Variants in SERINC2 observed in about 807,000 individuals in gnomAD.
The protein encoded by SERINC2 is serine incorporator 2.
A neutral mutation model predicts 54.2 loss-of-function variants in SERINC2; 56 were observed. The observed-to-expected ratio is 1.03, with a 90% CI of 0.83 to 1.29. The LOEUF (loss-of-function observed/expected upper bound fraction) is 1.29, where lower values mean the gene tolerates loss of function less well. Ranked by LOEUF, SERINC2 falls within the 50% of genes most tolerant of loss-of-function variation. The probability of loss-of-function intolerance (pLI) is 0.00; values close to 1 mark genes in which losing one functional copy is unlikely to be tolerated. For synonymous variants in SERINC2, 272 were observed against 253.1 expected, an observed-to-expected ratio of 1.07 and a Z score of -0.71; for missense variants, 614 against 607.4, an observed-to-expected ratio of 1.01 and a Z score of -0.12.
At chr1:31,415,406 C>T (rs782494214) in intron 1 of SERINC2, among the ~76,000 whole-genome samples, 6 of 152,224 alleles carry the variant, frequency 3.9e-5, no homozygotes, top group East Asian at 1.9e-4. Context: ...CCGAGCCCCT[C>T]ACCATGCCAT....
At position 31,429,397 on chromosome 1, in the gene SERINC2, A is replaced by T. The variant is rs782568840; in HGVS notation, c.872A>T (p.Glu291Val). Reference sequence around the variant, plus strand: ...AGGGTGATTGTGCTCCCATCTCCAGAACAGAAATGCAACCCCCATTTGCCA... The same window carrying T: ...AGGGTGATTGTGCTCCCATCTCCAGTACAGAAATGCAACCCCCATTTGCCA... ...VTWSALSSIPEQKCNPHLPTQ... is the reference protein window; with the variant it reads ...VTWSALSSIPVQKCNPHLPTQ... The change falls in exon 8 of 10, where the codon GAA becomes GTA. Residue 291 changes from glutamate (E) to valine (V), a missense_variant and splice_region_variant. Coordinates refer to ENST00000373709, the MANE Select transcript of SERINC2 (RefSeq NM_178865.5). The T allele has an allele frequency of 1.2e-6, 2 of 1,610,362 alleles. No homozygotes were observed. The highest frequency in any genetic ancestry group is 2.2e-5 in the South Asian group (2 of 90,364).
At chr1:31,434,041 A>T in intron 9 of SERINC2, 23 bp from the exon 10 acceptor site, 3 of 1,611,706 alleles carry the variant, frequency 1.9e-6, no homozygotes, top group Non-Finnish European at 2.5e-6. Context: ...CACCAGGCTC[A>T]TGGGGAAGAT....
At position 31,434,384 on chromosome 1, in the gene SERINC2, G is replaced by T; in HGVS notation, c.*185G>T. 1.6e-6 allele frequency: 1 copy of T among 610,330 alleles called. No individual in the cohort carries two copies. The highest frequency in any genetic ancestry group is 2.9e-6 in the Non-Finnish European group (1 of 349,970). 37.8% of individuals were successfully genotyped at this position (610,330 alleles called of 1,614,324 possible). ...TGCCTTCAGGGTCCGAGGAGCATCA[G>T]GCTCCTGCAGAGCCCCATCCCCCCG... is the stretch of plus-strand genomic sequence containing the variant. On this transcript the variant is annotated 3_prime_UTR_variant, in exon 10 of 10. Transcript: ENST00000373709.
intron 6 of SERINC2, 76 bp downstream of exon 6, chr1:31,426,899 TGGGGCTAGGGCTGTCATC>T: frequency 7.2e-7 from 1 of 1,390,606 alleles, no homozygotes; most frequent in Non-Finnish European, 1.0e-6. Flanking sequence ...ACCTGGGTCC[TGGGGCTAGGGCTGTCATC>T]ACAGAGGCAC....
At chr1:31,410,182 A>G, upstream of SERINC2, 7 of 1,436,814 alleles carry the variant, frequency 4.9e-6, no homozygotes, top group Admixed American at 2.9e-5. Flanking sequence ...CCAGTATCAC[A>G]TAGCTGCTGA....
chr1:31,429,166 C>G (rs1641126699), intron 7 of SERINC2, 98 bp downstream of exon 7: 1 of 1,139,678 alleles, frequency 8.8e-7, no homozygotes, highest in Admixed American at 1.8e-5. Context: ...CAGGGACATC[C>G]CTGCTCCAGC....
intron 8 of SERINC2, among the ~76,000 whole-genome samples, chr1:31,432,007 G>A (rs868978091): frequency 7.7e-5 from 11 of 143,380 alleles, no homozygotes; most frequent in African/African-American, 1.6e-4. Flanking sequence ...GGTGGATAGG[G>A]TGGATAGGGT....
Position 31,425,722 on chromosome 1 carries a change from C to T in SERINC2, c.473-54C>T, listed in dbSNP as rs570052467. 164 of 1,587,694 alleles carry T rather than the reference C, an allele frequency of 1.0e-4. 1 individual carries two copies. In the Middle Eastern group the frequency reaches 3.4e-3, roughly 33 times the overall value. On this transcript the variant is annotated intron_variant, in intron 4 of 9. Coordinates refer to ENST00000373709, the MANE Select transcript of SERINC2 (RefSeq NM_178865.5). ...GGTGTAGCAGAAAACGCTTGTTGAACGAGTAGATGTGAGAGAGGGACCCTC... is the reference window on the plus strand; with the variant it reads ...GGTGTAGCAGAAAACGCTTGTTGAATGAGTAGATGTGAGAGAGGGACCCTC...
At chr1:31,422,691 G>C (rs1302589532) in intron 1 of SERINC2, among the ~76,000 whole-genome samples, 1 of 152,210 alleles carries the variant, frequency 6.6e-6, no homozygotes, top group African/African-American at 2.4e-5. Context: ...TGGGTGAGGA[G>C]TAGGGGCTGT....
At chr1:31,418,970 A>C (rs1286415090) in intron 1 of SERINC2, among the ~76,000 whole-genome samples, 1 of 152,182 alleles carries the variant, frequency 6.6e-6, no homozygotes, top group Non-Finnish European at 1.5e-5. Flanking sequence ...GGATTGGTTG[A>C]ATGCCAAGGA....
chr1:31,413,183 G>GCACCC (rs1640685686), upstream of SERINC2: 1 of 1,019,928 alleles, frequency 9.8e-7, no homozygotes, highest in African/African-American at 1.8e-5. This position sits in a 1 kb window ranked among gnomAD's most constrained non-coding sequence, Gnocchi z 5.0. Flanking sequence ...GCCGGGGCCG[G>GCACCC]GGAGGGGCCA....
At position 31,428,964 on chromosome 1, in the gene SERINC2, G is replaced by A. The variant is rs1553133992; in HGVS notation, c.781-14G>A. 1.9e-6 allele frequency: 3 copies of A among 1,611,400 alleles called. No individual in the cohort carries two copies. The highest frequency in any genetic ancestry group is 1.7e-5 in the Admixed American group (1 of 59,996). On this transcript the variant is annotated splice_polypyrimidine_tract_variant and intron_variant, in intron 6 of 9. Coordinates refer to ENST00000373709, the MANE Select transcript of SERINC2 (RefSeq NM_178865.5). ...CTGGTCTGGCAGGGGTCTTACCAGGGGTCCTCTTGCCAGGACGCCCAGCCC... is the reference window on the plus strand; with the variant it reads ...CTGGTCTGGCAGGGGTCTTACCAGGAGTCCTCTTGCCAGGACGCCCAGCCC...
At chr1:31,420,532 G>GTTGTTTGTTTGT (rs55683816) in intron 1 of SERINC2, among the ~76,000 whole-genome samples, 17 of 151,810 alleles carry the variant, frequency 1.1e-4, no homozygotes, top group African/African-American at 3.9e-4. Flanking sequence ...TGGGTTTTTT[G>GTTGTTTGTTTGT]TTGTTTGTTT....
chr1:31,410,937 G>A (rs1437317989), upstream of SERINC2, among the ~76,000 whole-genome samples: 2 of 152,204 alleles, frequency 1.3e-5, no homozygotes, highest in South Asian at 4.1e-4. Context: ...AGACTGCTTG[G>A]TGGCATTTCA....
In SERINC2 at chr1:31,434,308, C is replaced by A. The variant is rs1553135394; in HGVS notation, c.*109C>A. On this transcript the variant is annotated 3_prime_UTR_variant, in exon 10 of 10. Transcript: ENST00000373709. Reference sequence around the variant, plus strand: ...ACCAATCAGCCAGGCTGAGCCCCCACCCCTGCCCCAGCTCCAGGACCTGCC... The same window carrying A: ...ACCAATCAGCCAGGCTGAGCCCCCAACCCTGCCCCAGCTCCAGGACCTGCC... 4.2e-6 allele frequency: 5 copies of A among 1,194,152 alleles called. No homozygotes were observed. Among genetic ancestry groups the A allele is most frequent in the Non-Finnish European group, 5.9e-6 (5 of 843,034 alleles). 74.0% of individuals were successfully genotyped at this position (1,194,152 alleles called of 1,614,324 possible). A position where few individuals can be genotyped will look rare whatever the true frequency, so the allele number is the denominator to read the frequency against.
rs1641026304 is a variant in SERINC2, at chr1:31,425,816, C to T, written c.513C>T (p.Ile171=). 1 of 1,613,562 alleles carries T rather than the reference C, an allele frequency of 6.2e-7. No homozygotes were observed. Residue 171 remains isoleucine, a synonymous_variant, in exon 5 of 10, where the codon ATC becomes ATT. Coordinates refer to ENST00000373709, the MANE Select transcript of SERINC2 (RefSeq NM_178865.5). ...YFGVVGSFLF[I]LIQLVLLIDF... ...GCGTCGTGGGCTCCTTCCTCTTCAT[C>T]CTCATCCAGCTGGTGCTGCTCATCG...
intron 8 of SERINC2, among the ~76,000 whole-genome samples, chr1:31,432,358 C>G (rs1288054789): frequency 2.0e-5 from 3 of 150,098 alleles, no homozygotes; most frequent in Non-Finnish European, 4.4e-5. Flanking sequence ...ATGTCTCAAA[C>G]TATCAAATTC....
chr1:31,430,579 G>A (rs1641168271), intron 8 of SERINC2, among the ~76,000 whole-genome samples: 1 of 152,214 alleles, frequency 6.6e-6, no homozygotes, highest in South Asian at 2.1e-4. Flanking sequence ...GCCGAGGTAG[G>A]AGGATCACTT....
At chr1:31,416,334 C>G (rs782433336) in intron 1 of SERINC2, among the ~76,000 whole-genome samples, 1 of 152,190 alleles carries the variant, frequency 6.6e-6, no homozygotes, top group Non-Finnish European at 1.5e-5. Flanking sequence ...AACTATAGAG[C>G]CTGGGCTCGG....
Sources: gnomAD v4.1 joint callset for allele counts (sites outside exome capture counted in the v4.1 genomes callset) on GRCh38, gnomAD v4.1.1 for gene constraint, Gnocchi (gnomAD v3.1) non-coding constraint, MANE v1.5 for transcripts, NCBI Gene and HGNC (gene_info 2026-07-23, HGNC 2026-07-21) for gene names.